Variants in CACNA1C observed in about 807,000 individuals in gnomAD.
CACNA1C encodes the protein calcium voltage-gated channel subunit alpha1 C.
A neutral mutation model predicts 229.0 loss-of-function variants in CACNA1C; 30 were observed. The ratio of observed to expected loss-of-function variants is 0.13; its 90% CI spans 0.10 to 0.18. The LOEUF is 0.18. CACNA1C is among the 10% of genes least tolerant of loss of function. CACNA1C has a pLI of 1.00. For missense variants in CACNA1C, 1,658 were observed against 2,845.0 expected, an observed-to-expected ratio of 0.58 and a Z score of 9.49; for synonymous variants, 1,114 against 1,132.5, an observed-to-expected ratio of 0.98 and a Z score of 0.33.
chr12:2,651,542 G>A lies in CACNA1C; in HGVS notation c.3946-98G>A, dbSNP rs216045. On this transcript the variant is annotated intron_variant, in intron 31 of 46. Transcript: ENST00000399655. The surrounding 1 kb of genome is among the most constrained non-coding windows in gnomAD (Gnocchi z 5.4). ...TGCAGCAAACCCTGGCCTGCCTTCC[G>A]CCACTGCCACTGAGGTCTGTATTTC... 1,211,906 of 1,592,548 alleles carry A rather than the reference G, an allele frequency of 0.76. 466,970 individuals are homozygous for A. The highest frequency in any genetic ancestry group is 0.83 in the Admixed American group (49,681 of 59,554).
At chr12:2,090,213 G>A (rs764553236) in intron 1 of CACNA1C, among the ~76,000 whole-genome samples, 11 of 151,372 alleles carry the variant, frequency 7.3e-5, no homozygotes, top group Admixed American at 5.3e-4. Flanking sequence ...TTTATTTCAC[G>A]TAGCATAATG....
chr12:2,261,699 G>A (rs1031462981), intron 3 of CACNA1C, among the ~76,000 whole-genome samples: 1 of 152,142 alleles, frequency 6.6e-6, no homozygotes, highest in Non-Finnish European at 1.5e-5. Context: ...ATCAGAGGTG[G>A]TTTTCTATAC....
chr12:2,097,668 G>A (rs2074783592), intron 1 of CACNA1C, among the ~76,000 whole-genome samples: 2 of 152,356 alleles, frequency 1.3e-5, no homozygotes, highest in Middle Eastern at 6.8e-3. Flanking sequence ...GGCTCTCTGT[G>A]TGGCTGTTCC....
At chr12:2,365,819 G>A (rs1594267510) in intron 3 of CACNA1C, among the ~76,000 whole-genome samples, 1 of 152,208 alleles carries the variant, frequency 6.6e-6, no homozygotes, top group African/African-American at 2.4e-5. Flanking sequence ...GGGCGCTAAA[G>A]AGCAAGTGGA....
intron 3 of CACNA1C, among the ~76,000 whole-genome samples, chr12:2,277,573 C>T (rs2089315249): frequency 6.6e-6 from 1 of 152,178 alleles, no homozygotes; most frequent in African/African-American, 2.4e-5. Context: ...GTGGGGTCCA[C>T]CCCACCCTGA....
Position 2,630,273 on chromosome 12 carries a change from C to T in CACNA1C, c.3829-4024C>T, listed in dbSNP as rs1339955986. 6.6e-6 allele frequency among the ~76,000 whole-genome samples: 1 copy of T among 152,166 alleles called. No homozygotes were observed. Among genetic ancestry groups the T allele is most frequent in the East Asian group, 1.9e-4 (1 of 5,196 alleles). Reference sequence around the variant, plus strand: ...CGTGTATGATTTTTTTCCCACCCTCCCTTCTCCATTACACCCTTAAAACCC... The same window carrying T: ...CGTGTATGATTTTTTTCCCACCCTCTCTTCTCCATTACACCCTTAAAACCC... On this transcript the variant is annotated intron_variant, in intron 29 of 46. Coordinates refer to ENST00000399655, the MANE Select transcript of CACNA1C (RefSeq NM_000719.7). The surrounding 1 kb of genome is among the most constrained non-coding windows in gnomAD (Gnocchi z 5.4).
chr12:2,466,552 C>T (rs886435127), intron 5 of CACNA1C, among the ~76,000 whole-genome samples: 2 of 152,216 alleles, frequency 1.3e-5, no homozygotes, highest in Non-Finnish European at 2.9e-5. Context: ...TGCTTCACTC[C>T]CCATCCCTTG....
intron 3 of CACNA1C, among the ~76,000 whole-genome samples, chr12:2,310,893 AG>A (rs2095403639): frequency 1.3e-5 from 2 of 152,164 alleles, no homozygotes; most frequent in Non-Finnish European, 2.9e-5. Context: ...GAGGGAGTTG[AG>A]GGGTAGAAAA....
intron 30 of CACNA1C, 33 bp from the exon 31 acceptor site, chr12:2,648,442 T>C (rs1384747371): frequency 4.3e-6 from 7 of 1,610,492 alleles, no homozygotes; most frequent in African/African-American, 1.3e-5. Context: ...GGGAGACTCA[T>C]TACAGCTTAT....
At chr12:2,533,272 T>C (rs1426436928) in intron 9 of CACNA1C, among the ~76,000 whole-genome samples, 1 of 152,158 alleles carries the variant, frequency 6.6e-6, no homozygotes, top group African/African-American at 2.4e-5. Flanking sequence ...AAACCACTGC[T>C]CACCAGTCTC....
At chr12:2,027,895 T>C (rs1391334995) in intron 1 of CACNA1C, among the ~76,000 whole-genome samples, 1 of 152,230 alleles carries the variant, frequency 6.6e-6, no homozygotes, top group Non-Finnish European at 1.5e-5. Flanking sequence ...AGATTGAGAA[T>C]TGAGCAGCTT....
chr12:2,386,348 C>T (rs2098389693), intron 3 of CACNA1C, among the ~76,000 whole-genome samples: 1 of 152,182 alleles, frequency 6.6e-6, no homozygotes, highest in African/African-American at 2.4e-5. Flanking sequence ...AAGCACCAGC[C>T]AGGATCTGAC....
chr12:2,198,130 G>A (rs2238052), intron 3 of CACNA1C, among the ~76,000 whole-genome samples: 51,640 of 152,104 alleles, frequency 0.34, 9,250 homozygotes, highest in South Asian at 0.39. Flanking sequence ...AGTCGAGGCC[G>A]AGTTTGCATC....
intron 3 of CACNA1C, among the ~76,000 whole-genome samples, chr12:2,239,318 T>A (rs973425279): frequency 1.3e-5 from 2 of 151,944 alleles, no homozygotes; most frequent in African/African-American, 4.8e-5. Flanking sequence ...CGGTGAGGGC[T>A]GGGCCAATAC....
chr12:2,364,399 C>T (rs1241166344), intron 3 of CACNA1C, among the ~76,000 whole-genome samples: 1 of 152,066 alleles, frequency 6.6e-6, no homozygotes, highest in Non-Finnish European at 1.5e-5. Context: ...TGGGAGTGGA[C>T]CAGACATCTA....
At chr12:2,529,138 T>A (rs1464945528) in intron 9 of CACNA1C, among the ~76,000 whole-genome samples, 1 of 152,252 alleles carries the variant, frequency 6.6e-6, no homozygotes, top group Non-Finnish European at 1.5e-5. Context: ...TAGAAACCAG[T>A]GAGGCAAGTT....
chr12:2,386,835 A>G (rs2098400559), intron 3 of CACNA1C, among the ~76,000 whole-genome samples: 1 of 152,186 alleles, frequency 6.6e-6, no homozygotes, highest in South Asian at 2.1e-4. Context: ...TACTGGATGG[A>G]TAAATGAGCT....
Position 2,693,897 on chromosome 12 carries a change from A to T in CACNA1C, c.*2698A>T, listed in dbSNP as rs1221241218. ...TAAGCTAGAAATTACAATAAGGGAC[A>T]GTCCATTCCTCTATGACAGCTTGCT... On this transcript the variant is annotated 3_prime_UTR_variant, in exon 47 of 47. Coordinates refer to ENST00000399655, the MANE Select transcript of CACNA1C (RefSeq NM_000719.7). 1 of 152,252 alleles carries T rather than the reference A, an allele frequency of 6.6e-6. No individual in the cohort carries two copies. The highest frequency in any genetic ancestry group is 1.5e-5 in the Non-Finnish European group (1 of 68,044). 9.4% of individuals were successfully genotyped at this position (152,252 alleles called of 1,614,324 possible).
chr12:2,638,281 T>C (rs1370423660), intron 30 of CACNA1C, among the ~76,000 whole-genome samples: 1 of 152,198 alleles, frequency 6.6e-6, no homozygotes, highest in Non-Finnish European at 1.5e-5. Context: ...TAAGATGGGC[T>C]TCCTTAAGGA....
Sources: gnomAD v4.1 joint callset for allele counts (sites outside exome capture counted in the v4.1 genomes callset) on GRCh38, gnomAD v4.1.1 for gene constraint, Gnocchi (gnomAD v3.1) non-coding constraint, MANE v1.5 for transcripts, NCBI Gene and HGNC (gene_info 2026-07-23, HGNC 2026-07-21) for gene names.